The following LRRC56 variants were observed in gnomAD, a reference collection of about 807,000 sequenced individuals.
LRRC56 encodes the protein leucine rich repeat containing 56, also known as leucine-rich repeat-containing protein 56.
A neutral mutation model predicts 47.8 loss-of-function variants in LRRC56; 41 were observed. That is an observed-to-expected ratio of 0.86 (90% CI 0.67 to 1.11). The LOEUF is 1.11. LRRC56 is among the 50% of genes most tolerant of loss of function. The probability of loss-of-function intolerance (pLI) is 0.00; values close to 1 mark genes in which losing one functional copy is unlikely to be tolerated. For missense variants in LRRC56, 759 were observed against 704.2 expected (o/e 1.08, Z -0.88); for synonymous variants, 387 against 311.2 (o/e 1.24, Z -2.56).
At chr11:553,584 G>A (rs568295772) in intron 13 of LRRC56, among the ~76,000 whole-genome samples, 3 of 152,302 alleles carry the variant, frequency 2.0e-5, no homozygotes, top group African/African-American at 7.2e-5. Context: ...CGGTGGAGGC[G>A]GGTGCTGGGG....
At chr11:532,509 G>A in the LRRC56 span, 1 of 1,316,176 alleles carries the variant, frequency 7.6e-7, no homozygotes, top group Non-Finnish European at 1.0e-6. Flanking sequence ...GCACCTCCAT[G>A]TCCTGAGCTT....
At chr11:543,176 A>G (rs1439087362) in intron 5 of LRRC56, among the ~76,000 whole-genome samples, 1 of 146,832 alleles carries the variant, frequency 6.8e-6, no homozygotes, top group African/African-American at 2.5e-5. Flanking sequence ...ACAGGATTAC[A>G]GGGATGAGCC....
chr11:527,292 C>CCG, the LRRC56 span, among the ~76,000 whole-genome samples: 1 of 152,054 alleles, frequency 6.6e-6, no homozygotes, highest in Non-Finnish European at 1.5e-5. Context: ...CATCAAGACT[C>CCG]CATCTCAAAA....
chr11:516,842 T>A, the LRRC56 span, among the ~76,000 whole-genome samples: 1 of 152,186 alleles, frequency 6.6e-6, no homozygotes, highest in Non-Finnish European at 1.5e-5. Flanking sequence ...TTTTTAATTA[T>A]TTTTTTCTCC....
At position 540,658 on chromosome 11, in the gene LRRC56, G is replaced by A. The variant is rs1310536526; in HGVS notation, c.-11-16G>A. 3.1e-6 allele frequency: 5 copies of A among 1,608,838 alleles called. No homozygotes were observed. Among genetic ancestry groups the A allele is most frequent in the South Asian group, 1.1e-5 (1 of 90,544 alleles). ...GAGCAACAGCGTGGAGCTTTGCACTGTGCCTCTGTCAGCAGGTGACATGTG... is the reference window on the plus strand; with the variant it reads ...GAGCAACAGCGTGGAGCTTTGCACTATGCCTCTGTCAGCAGGTGACATGTG... On this transcript the variant is annotated splice_polypyrimidine_tract_variant and intron_variant, in intron 3 of 13. Coordinates refer to ENST00000270115, the MANE Select transcript of LRRC56 (RefSeq NM_198075.4).
chr11:540,707 C>T lies in LRRC56; in HGVS notation c.23C>T (p.Ser8Phe). 1 of 1,612,778 alleles carries T rather than the reference C, an allele frequency of 6.2e-7. No individual in the cohort carries two copies. Among genetic ancestry groups the T allele is most frequent in the Non-Finnish European group, 8.5e-7 (1 of 1,179,830 alleles). Residue 8 changes from serine to phenylalanine, a missense_variant, in exon 4 of 14, where the codon TCC becomes TTC. By Grantham distance (155) the Ser-to-Phe change is radical (BLOSUM62 -2). Transcript: ENST00000270115. ...TGAATGGATCTGGGCTGGGACAGAT[C>T]CCGTGGGCCTCGGCGGAGCACCTCC... MDLGWDRSRGPRRSTSSV... is the reference protein window; with the variant it reads MDLGWDRFRGPRRSTSSV...
At chr11:522,513 A>G in the LRRC56 span, among the ~76,000 whole-genome samples, 29 of 151,978 alleles carry the variant, frequency 1.9e-4, no homozygotes, top group East Asian at 3.9e-4. Flanking sequence ...TGATTCGCCC[A>G]CCTCGGCCTC....
At chr11:533,390 C>G (rs1178761655), upstream of LRRC56, 3 of 1,608,118 alleles carry the variant, frequency 1.9e-6, no homozygotes, top group Non-Finnish European at 2.5e-6. Context: ...GTGAGTGCTG[C>G]TCCCTGGCTG....
At chr11:517,954 G>C in the LRRC56 span, among the ~76,000 whole-genome samples, 1 of 152,200 alleles carries the variant, frequency 6.6e-6, no homozygotes, top group African/African-American at 2.4e-5. Context: ...TTGTTAAACA[G>C]ATGCTTGGAG....
chr11:533,053 G>A (rs756792964), upstream of LRRC56, among the ~76,000 whole-genome samples: 5 of 152,206 alleles, frequency 3.3e-5, no homozygotes, highest in African/African-American at 7.2e-5. Flanking sequence ...GCTACGGCCC[G>A]TGTCCCCAGT....
the LRRC56 span, among the ~76,000 whole-genome samples, chr11:508,019 C>T: frequency 6.6e-6 from 1 of 152,254 alleles, no homozygotes; most frequent in Non-Finnish European, 1.5e-5. Flanking sequence ...GACCCCACCT[C>T]CACAAAAGTG....
At chr11:544,698 T>A (rs1325850347) in intron 5 of LRRC56, 22 bp from the exon 6 acceptor site, 1 of 1,611,212 alleles carries the variant, frequency 6.2e-7, no homozygotes, top group Non-Finnish European at 8.5e-7. Context: ...CGGGCCAACC[T>A]CCTCCTCCTG....
At chr11:532,363 C>T in the LRRC56 span, 1 of 568,988 alleles carries the variant, frequency 1.8e-6, no homozygotes. Flanking sequence ...ACAGTCTGTG[C>T]ACAGCCTCCC....
At chr11:534,139 C>T (rs1189522070), upstream of LRRC56, 1 of 1,320,314 alleles carries the variant, frequency 7.6e-7, no homozygotes, top group South Asian at 1.2e-5. Flanking sequence ...GGGCTGCAGC[C>T]AGCCCTATCC....
the LRRC56 span, among the ~76,000 whole-genome samples, chr11:531,987 C>G: frequency 1.3e-5 from 2 of 152,224 alleles, no homozygotes; most frequent in South Asian, 2.1e-4. Flanking sequence ...CCAGGACGCC[C>G]TCCTAGTTGG....
chr11:523,192 C>G, the LRRC56 span, among the ~76,000 whole-genome samples: 1 of 152,086 alleles, frequency 6.6e-6, no homozygotes, highest in Non-Finnish European at 1.5e-5. Flanking sequence ...CCATGCCTGG[C>G]TAATTTTTGT....
upstream of LRRC56, among the ~76,000 whole-genome samples, chr11:535,081 TGGCCGC>T (rs898209560): frequency 1.3e-5 from 2 of 151,886 alleles, no homozygotes; most frequent in African/African-American, 2.4e-5. Context: ...GGGCGTGCCG[TGGCCGC>T]GGCCGCCTCC....
At chr11:533,684 G>A (rs1306708043), upstream of LRRC56, 7 of 1,611,308 alleles carry the variant, frequency 4.3e-6, no homozygotes, top group South Asian at 1.1e-5. Flanking sequence ...GCGCAGAGAG[G>A]ACAGGAGGCC....
chr11:534,098 G>A, upstream of LRRC56: 6 of 1,168,172 alleles, frequency 5.1e-6, no homozygotes, highest in East Asian at 2.4e-5. Flanking sequence ...GGAAGCAGGA[G>A]ACAGGGCCAC....
Sources: gnomAD v4.1 joint callset for allele counts (sites outside exome capture counted in the v4.1 genomes callset) on GRCh38, gnomAD v4.1.1 for gene constraint, MANE v1.5 for transcripts, NCBI Gene and HGNC (gene_info 2026-07-23, HGNC 2026-07-21) for gene names.